Variants in SUPT5H observed in about 807,000 individuals in gnomAD.
SUPT5H encodes the protein transcription elongation factor SPT5.
In SUPT5H, 24 loss-of-function variants were observed where a neutral mutation model predicts 142.5. The observed-to-expected ratio is 0.17, with a 90% confidence interval of 0.12 to 0.24. SUPT5H has a LOEUF of 0.24. SUPT5H is among the 10% of genes least tolerant of loss of function. The pLI, the probability that SUPT5H is intolerant of heterozygous loss-of-function variation, is 1.00. For synonymous variants in SUPT5H, 546 were observed against 553.0 expected (o/e 0.99, Z 0.18); for missense variants, 893 against 1,471.8 (o/e 0.61, Z 6.43).
intron 9 of SUPT5H, 53 bp from the exon 10 acceptor site, chr19:39,459,839 G>A: frequency 6.3e-7 from 1 of 1,590,236 alleles, no homozygotes; most frequent in Non-Finnish European, 8.6e-7. Flanking sequence ...CCCCTTTCCT[G>A]TGTCCTTTCC....
At position 39,473,896 on chromosome 19, in the gene SUPT5H, G is replaced by T; in HGVS notation, c.2493-67G>T. ...GCTTCAGTTGGGGGTCTGGTGTAGG[G>T]TGCTGTTCTGGAAGCATCCATCGCA... On this transcript the variant is annotated intron_variant, in intron 25 of 29. Coordinates refer to ENST00000432763, the MANE Select transcript of SUPT5H (RefSeq NM_001111020.3). The surrounding 1 kb of genome is among the most constrained non-coding windows in gnomAD (Gnocchi z 5.8). 1.2e-6 allele frequency: 2 copies of T among 1,603,468 alleles called. No individual in the cohort carries two copies. The highest frequency in any genetic ancestry group is 8.5e-7 in the Non-Finnish European group (1 of 1,171,174).
At position 39,473,501 on chromosome 19, in the gene SUPT5H, C is replaced by T. The variant is rs762669653; in HGVS notation, c.2472C>T (p.Asn824=). 2 of 1,611,644 alleles carry T rather than the reference C, an allele frequency of 1.2e-6. No homozygotes were observed. The highest frequency in any genetic ancestry group is 1.7e-6 in the Non-Finnish European group (2 of 1,179,918). ...TPAQSGAWDP[N]NPNTPSRAEE... ...CCCAGAGTGGGGCCTGGGACCCCAA[C>T]AACCCCAACACGCCGTCACGGTGAG... is the stretch of plus-strand genomic sequence containing the variant. Residue 824 remains asparagine, a synonymous_variant, in exon 25 of 30, where the codon AAC becomes AAT. Transcript: ENST00000432763. This position sits in a 1 kb window ranked among gnomAD's most constrained non-coding sequence, Gnocchi z 5.8.
intron 10 of SUPT5H, 98 bp from the exon 11 acceptor site, chr19:39,464,700 A>G: frequency 3.3e-6 from 5 of 1,497,650 alleles, no homozygotes; most frequent in Non-Finnish European, 4.5e-6. Flanking sequence ...TTTCTGTGGA[A>G]TAAATTCCTA....
chr19:39,470,801 C>T lies in SUPT5H; in HGVS notation c.1677+278C>T, dbSNP rs1438134816. Among the ~76,000 whole-genome samples the T allele has an allele frequency of 3.9e-5, 6 of 152,172 alleles. No individual in the cohort carries two copies. The highest frequency in any genetic ancestry group is 2.1e-4 in the South Asian group (1 of 4,828). On this transcript the variant is annotated intron_variant, in intron 18 of 29. Coordinates refer to ENST00000432763, the MANE Select transcript of SUPT5H (RefSeq NM_001111020.3). The surrounding 1 kb of genome is among the most constrained non-coding windows in gnomAD (Gnocchi z 5.8). ...GATCTGTACCCTGGTGGCTGTTGCT[C>T]GCTCAAGGATGGAGTGCCACATGTG...
Position 39,458,538 on chromosome 19 carries a change from C to A in SUPT5H, c.319+233C>A. 2.3e-6 allele frequency: 2 copies of A among 854,500 alleles called. No homozygotes were observed. Among genetic ancestry groups the A allele is most frequent in the Non-Finnish European group, 3.6e-6 (2 of 553,234 alleles). 52.9% of individuals were successfully genotyped at this position (854,500 alleles called of 1,614,324 possible). A position where few individuals can be genotyped will look rare whatever the true frequency, so the allele number is the denominator to read the frequency against. On this transcript the variant is annotated intron_variant, in intron 5 of 29. Transcript: ENST00000432763. This position sits in a 1 kb window ranked among gnomAD's most constrained non-coding sequence, Gnocchi z 4.2. ...GGGACTGAGCATTTGTGGGTGGTAGCGATGTGTGGGGTGGGGTGCAGTCCA... is the reference window on the plus strand; with the variant it reads ...GGGACTGAGCATTTGTGGGTGGTAGAGATGTGTGGGGTGGGGTGCAGTCCA...
intron 3 of SUPT5H, among the ~76,000 whole-genome samples, chr19:39,455,610 ATTTCT>A (rs1180778419): frequency 6.7e-6 from 1 of 148,572 alleles, no homozygotes; most frequent in Non-Finnish European, 1.5e-5. Context: ...GATTACATGC[ATTTCT>A]TTTCTTTTCT....
intron 3 of SUPT5H, 143 bp downstream of exon 3, chr19:39,453,664 A>G (rs960656354): frequency 2.5e-5 from 25 of 1,006,118 alleles, no homozygotes; most frequent in South Asian, 3.1e-5. Flanking sequence ...CTGCAAGTTC[A>G]TGCCATTCTC....
chr19:39,465,565 A>G (rs2079224260), intron 11 of SUPT5H, among the ~76,000 whole-genome samples: 1 of 152,216 alleles, frequency 6.6e-6, no homozygotes, highest in Admixed American at 6.5e-5. Context: ...GTCTGGAGAC[A>G]TTTTTGGTTA....
Position 39,470,506 on chromosome 19 carries a change from G to A in SUPT5H, c.1660G>A (p.Glu554Lys). 6.4e-7 allele frequency: 1 copy of A among 1,573,410 alleles called. No homozygotes were observed. Among genetic ancestry groups the A allele is most frequent in the East Asian group, 2.3e-5 (1 of 43,928 alleles). The change falls in exon 18 of 30, where the codon GAA (glutamate) becomes AAA (lysine). Residue 554 changes from glutamate to lysine, a missense_variant. Transcript: ENST00000432763. The surrounding 1 kb of genome is among the most constrained non-coding windows in gnomAD (Gnocchi z 5.8). ...GACTGTGGGTGTCATCGTGCGACTA[G>A]AACGGGAGACCTTCCAGGTGTGTGT... is the stretch of plus-strand genomic sequence containing the variant. ...PQTVGVIVRL[E>K]RETFQVLNMY...
intron 13 of SUPT5H, 156 bp from the exon 14 acceptor site, chr19:39,468,600 T>A (rs1411598933): frequency 3.1e-6 from 2 of 639,826 alleles, no homozygotes; most frequent in Non-Finnish European, 5.5e-6. Context: ...TTGGGGTTTG[T>A]GAGAAGTCAC....
intron 2 of SUPT5H, among the ~76,000 whole-genome samples, chr19:39,452,103 C>G (rs1381915514): frequency 6.6e-6 from 1 of 152,064 alleles, no homozygotes; most frequent in African/African-American, 2.4e-5. Flanking sequence ...ATGATGTTTA[C>G]AGGCAGAAAG....
rs2079308049 is a variant in SUPT5H at position 39,470,737 on chromosome 19, G to A, written c.1677+214G>A. ...ACCCTATAAAATGGAAACGAGAGCA[G>A]CGTCTACTTTGTTCATAGTGAATGA... On this transcript the variant is annotated intron_variant, in intron 18 of 29. Transcript: ENST00000432763. This position sits in a 1 kb window ranked among gnomAD's most constrained non-coding sequence, Gnocchi z 5.8. 6.6e-6 allele frequency among the ~76,000 whole-genome samples: 1 copy of A among 152,182 alleles called. No homozygotes were observed. Among genetic ancestry groups the A allele is most frequent in the African/African-American group, 2.4e-5 (1 of 41,434 alleles).
At chr19:39,468,468 C>T in intron 13 of SUPT5H, 1 of 481,572 alleles carries the variant, frequency 2.1e-6, no homozygotes, top group East Asian at 3.7e-5. Flanking sequence ...CATCCCTGAC[C>T]TTCTGGAGCT....
In SUPT5H at chr19:39,458,062, C is replaced by T. The variant is rs1832011063; in HGVS notation, c.308-232C>T. On this transcript the variant is annotated intron_variant, in intron 4 of 29. Transcript: ENST00000432763. The surrounding 1 kb of genome is among the most constrained non-coding windows in gnomAD (Gnocchi z 4.2). ...ACTTCCTGGGCCAGTGCCCCCCTTT[C>T]CCCGTTATTTTCCGTTCTGTGCGCC... is the stretch of plus-strand genomic sequence containing the variant. The T allele has an allele frequency of 1.3e-6, 1 of 772,898 alleles. No homozygotes were observed. Among genetic ancestry groups the T allele is most frequent in the Admixed American group, 2.7e-5 (1 of 36,658 alleles). The allele number at this position is 772,898 out of a possible 1,614,324, so 47.9% of individuals were successfully genotyped here. A position where few individuals can be genotyped will look rare whatever the true frequency, so the allele number is the denominator to read the frequency against.
intron 2 of SUPT5H, among the ~76,000 whole-genome samples, chr19:39,447,503 T>G (rs1271346446): frequency 6.9e-6 from 1 of 145,554 alleles, no homozygotes; most frequent in Non-Finnish European, 1.5e-5. Flanking sequence ...CAGGTTGGAG[T>G]GCAGTGGCAT....
rs554076163 is a variant in SUPT5H at position 39,453,372 on chromosome 19, G to A, written c.92G>A (p.Arg31Gln). The A allele has an allele frequency of 3.3e-5, 53 of 1,603,804 alleles. No homozygotes were observed. Among genetic ancestry groups the A allele is most frequent in the South Asian group, 2.2e-4 (20 of 89,666 alleles). The part of the protein sequence containing the change: ...GEEAEVDEER[R>Q]SAAGSEKEEE... ...CCCCTGTAGGTAGACGAAGAGCGGCGGAGTGCAGCGGGCAGTGAGAAAGAA... is the reference window on the plus strand; with the variant it reads ...CCCCTGTAGGTAGACGAAGAGCGGCAGAGTGCAGCGGGCAGTGAGAAAGAA... Residue 31 changes from arginine to glutamine, a missense_variant, in exon 3 of 30, where the codon CGG becomes CAG. By Grantham distance (43) the Arg-to-Gln change is conservative. Coordinates refer to ENST00000432763, the MANE Select transcript of SUPT5H (RefSeq NM_001111020.3).
chr19:39,474,516 CT>C lies in SUPT5H; in HGVS notation c.2823del (p.Ser942AlafsTer12), dbSNP rs1396329328. 6.2e-7 allele frequency: 1 copy of C among 1,614,006 alleles called. No individual in the cohort carries two copies. The highest frequency in any genetic ancestry group is 1.7e-5 in the Admixed American group (1 of 60,004). On this transcript the variant is annotated frameshift_variant and splice_region_variant, in exon 28 of 30. Transcript: ENST00000432763. LOFTEE classifies it high-confidence loss of function. This position sits in a 1 kb window ranked among gnomAD's most constrained non-coding sequence, Gnocchi z 6.5. ...TGACACTTCCTCTTTCCCCTGCAGG[CT>C]AGCCCCAGCCCGAGCCCCGTTGGCT... Reference protein sequence around the residue: ...HPTPSPMAYQASPSPSPVGYS... With the variant: ...HPTPSPMAYQXSPSPSPVGYS...
In SUPT5H at chr19:39,445,908, C is replaced by T; in HGVS notation, c.18C>T (p.Asp6=). The T allele has an allele frequency of 6.2e-7, 1 of 1,613,700 alleles. No individual in the cohort carries two copies. Among genetic ancestry groups the T allele is most frequent in the Non-Finnish European group, 8.5e-7 (1 of 1,180,006 alleles). ...AGCGGAAGATGTCGGACAGCGAGGA[C>T]AGCAACTTTTCCGAGGAGGAGGACA... The part of the protein sequence containing the change: MSDSE[D]SNFSEEEDSE... Residue 6 remains aspartate, a synonymous_variant, in exon 2 of 30, where the codon GAC becomes GAT. Coordinates refer to ENST00000432763, the MANE Select transcript of SUPT5H (RefSeq NM_001111020.3).
intron 3 of SUPT5H, among the ~76,000 whole-genome samples, chr19:39,456,415 TG>T (rs1568421915): frequency 6.1e-5 from 9 of 148,752 alleles, no homozygotes; most frequent in East Asian, 4.0e-4. Flanking sequence ...TTTTTGTTGT[TG>T]TTGTTGTTGT....
Sources: gnomAD v4.1 joint callset for allele counts (sites outside exome capture counted in the v4.1 genomes callset) on GRCh38, gnomAD v4.1.1 for gene constraint, Gnocchi (gnomAD v3.1) non-coding constraint, MANE v1.5 for transcripts, NCBI Gene and HGNC (gene_info 2026-07-23, HGNC 2026-07-21) for gene names.